Variants in THADA observed in about 807,000 individuals in gnomAD.
THADA encodes tRNA (32-2'-O)-methyltransferase regulator THADA.
Under a neutral mutation model 219.8 loss-of-function variants are expected in THADA, and 213 were observed. That is an observed-to-expected ratio of 0.97 (90% CI 0.87 to 1.09). The LOEUF (loss-of-function observed/expected upper bound fraction) is 1.09. THADA is among the 50% of genes least tolerant of loss of function. The pLI, the probability that THADA is intolerant of heterozygous loss-of-function variation, is 0.00. For missense variants in THADA, 2,956 were observed against 2,311.3 expected, an observed-to-expected ratio of 1.28 and a Z score of -5.72; for synonymous variants, 1,018 against 828.9, an observed-to-expected ratio of 1.23 and a Z score of -3.92.
intron 36 of THADA, among the ~76,000 whole-genome samples, chr2:43,257,468 C>A (rs924500537): frequency 6.6e-6 from 1 of 152,244 alleles, no homozygotes; most frequent in African/African-American, 2.4e-5. Flanking sequence ...GGCTTCGGGG[C>A]AGCACAGGAG....
intron 26 of THADA, among the ~76,000 whole-genome samples, chr2:43,470,221 AAAAAAG>A (rs1332507518): frequency 0.017 from 2,575 of 151,372 alleles, 33 homozygotes; most frequent in African/African-American, 0.043. Context: ...AAAAAAAAAA[AAAAAAG>A]AAAGAAGGAA....
intron 36 of THADA, among the ~76,000 whole-genome samples, chr2:43,272,818 G>T (rs1355780650): frequency 1.3e-5 from 2 of 151,770 alleles, no homozygotes; most frequent in Non-Finnish European, 2.9e-5. Flanking sequence ...AAGAGACAGG[G>T]TCTCCCCATG....
chr2:43,466,998 C>T (rs902452572), intron 26 of THADA, among the ~76,000 whole-genome samples: 82 of 151,436 alleles, frequency 5.4e-4, no homozygotes, highest in Admixed American at 4.6e-3. Context: ...CTGGCTAACA[C>T]GGTGAAACCC....
chr2:43,542,734 A>G (rs1695486957), intron 20 of THADA, among the ~76,000 whole-genome samples: 1 of 152,220 alleles, frequency 6.6e-6, no homozygotes, highest in South Asian at 2.1e-4. Context: ...ACCCAGGTTC[A>G]TTATATAGCA....
At chr2:43,472,821 A>G (rs1685060743) in intron 26 of THADA, among the ~76,000 whole-genome samples, 1 of 152,250 alleles carries the variant, frequency 6.6e-6, no homozygotes, top group Non-Finnish European at 1.5e-5. Flanking sequence ...ACAACATGTT[A>G]TTGTACTAAA....
At chr2:43,252,046 C>T (rs1410445332) in intron 36 of THADA, among the ~76,000 whole-genome samples, 1 of 152,162 alleles carries the variant, frequency 6.6e-6, no homozygotes, top group African/African-American at 2.4e-5. Context: ...AGATAATCCC[C>T]CTGCCATTCC....
At chr2:43,531,158 G>C (rs561786285) in intron 21 of THADA, among the ~76,000 whole-genome samples, 1 of 152,258 alleles carries the variant, frequency 6.6e-6, no homozygotes, top group Non-Finnish European at 1.5e-5. Context: ...CATGCTGTCT[G>C]GTGTCCATTA....
intron 25 of THADA, among the ~76,000 whole-genome samples, chr2:43,497,744 G>C (rs986699517): frequency 6.6e-6 from 1 of 152,070 alleles, no homozygotes; most frequent in East Asian, 1.9e-4. Context: ...AATTAGCTGG[G>C]TGTGGTGGCA....
chr2:43,407,098 G>A (rs531066324), intron 28 of THADA, among the ~76,000 whole-genome samples: 6 of 152,294 alleles, frequency 3.9e-5, no homozygotes, highest in African/African-American at 1.4e-4. Flanking sequence ...ATCAGTAACA[G>A]GCTGGCTTTC....
intron 25 of THADA, among the ~76,000 whole-genome samples, chr2:43,496,034 G>C (rs980747890): frequency 3.9e-5 from 6 of 152,132 alleles, no homozygotes; most frequent in African/African-American, 9.7e-5. Context: ...CTGTGCCTTT[G>C]GCTTTCACTG....
Position 43,292,972 on chromosome 2 carries a change from T to A in THADA, c.4680A>T (p.Thr1560=), listed in dbSNP as rs1187668289. ...AGAACTTTTCCAAGAGGGCTTCCAG[T>A]GTTAGTGAGCGCACTTCAGGGAAGG... is the stretch of plus-strand genomic sequence containing the variant. ...ESAFPEVRSL[T]LEALLEKFLA... is the part of the protein sequence containing the mutation. Residue 1560 remains threonine (T), a synonymous_variant, in exon 32 of 38, where the codon ACA becomes ACT. Transcript: ENST00000405975. 9 of 1,613,902 alleles carry A rather than the reference T, an allele frequency of 5.6e-6. No homozygotes were observed. The highest frequency in any genetic ancestry group is 7.6e-6 in the Non-Finnish European group (9 of 1,179,896).
chr2:43,593,334 C>T (rs1701778361), intron 1 of THADA, among the ~76,000 whole-genome samples: 2 of 152,180 alleles, frequency 1.3e-5, no homozygotes, highest in South Asian at 4.1e-4. Context: ...AACAGCTCAA[C>T]AGCCCAAGAT....
chr2:43,521,387 T>C (rs1247082533), intron 22 of THADA, among the ~76,000 whole-genome samples: 1 of 152,092 alleles, frequency 6.6e-6, no homozygotes, highest in Non-Finnish European at 1.5e-5. Flanking sequence ...AAACCCAGTC[T>C]CTATAAAAAT....
rs538479853 is a variant in THADA at position 43,378,933 on chromosome 2, G to A, written c.4227+19038C>T. Among the ~76,000 whole-genome samples, 314 of 152,248 alleles carry A rather than the reference G, an allele frequency of 2.1e-3. 2 individuals carry two copies. Among genetic ancestry groups the A allele is most frequent in the African/African-American group, 7.2e-3 (300 of 41,554 alleles). On this transcript the variant is annotated intron_variant, in intron 29 of 37. Transcript: ENST00000405975. ...TAATATCTTCAAAGTGCTGAAGGAAGTAAGTGTCAACCTGGACAACCTCAA... is the reference window on the plus strand; with the variant it reads ...TAATATCTTCAAAGTGCTGAAGGAAATAAGTGTCAACCTGGACAACCTCAA...
At chr2:43,549,948 G>A (rs554253825) in intron 19 of THADA, among the ~76,000 whole-genome samples, 276 of 151,612 alleles carry the variant, frequency 1.8e-3, no homozygotes, top group African/African-American at 6.5e-3. Context: ...ATATCGTAAC[G>A]ACTCCACAAC....
intron 31 of THADA, among the ~76,000 whole-genome samples, chr2:43,305,200 T>C (rs549104610): frequency 2.0e-5 from 3 of 151,788 alleles, no homozygotes; most frequent in South Asian, 2.2e-4. Flanking sequence ...AAGGAAACCA[T>C]AGGAACAACA....
chr2:43,527,566 T>C (rs1574089806), intron 22 of THADA, among the ~76,000 whole-genome samples: 1 of 151,964 alleles, frequency 6.6e-6, no homozygotes, highest in Admixed American at 6.6e-5. Context: ...ACCAAGTAAT[T>C]TTCAAACAGA....
intron 31 of THADA, among the ~76,000 whole-genome samples, chr2:43,319,437 T>A (rs1382419195): frequency 6.6e-6 from 1 of 152,202 alleles, no homozygotes; most frequent in Non-Finnish European, 1.5e-5. Flanking sequence ...CACGTTCTTA[T>A]TACCTCTGCA....
At chr2:43,267,648 TCAC>T (rs1671673012) in intron 36 of THADA, among the ~76,000 whole-genome samples, 1 of 152,172 alleles carries the variant, frequency 6.6e-6, no homozygotes, top group South Asian at 2.1e-4. Flanking sequence ...GCCTTCCGGC[TCAC>T]CAGATTGTGG....
Sources: gnomAD v4.1 joint callset for allele counts (sites outside exome capture counted in the v4.1 genomes callset) on GRCh38, gnomAD v4.1.1 for gene constraint, MANE v1.5 for transcripts, NCBI Gene and HGNC (gene_info 2026-07-23, HGNC 2026-07-21) for gene names.